EFCAB6: variants seen among roughly 807,000 people sequenced by gnomAD.
EFCAB6 encodes EF-hand calcium-binding domain-containing protein 6.
In EFCAB6, 156 loss-of-function variants were observed where a neutral mutation model predicts 169.8. The observed-to-expected ratio is 0.92, with a 90% CI of 0.81 to 1.05. The LOEUF is 1.05. Ranked by LOEUF, EFCAB6 falls within the 50% of genes least tolerant of loss-of-function variation. EFCAB6 has a pLI of 0.00. For missense variants in EFCAB6, 1,800 were observed against 1,829.1 expected, an observed-to-expected ratio of 0.98 and a Z score of 0.29; for synonymous variants, 698 against 676.4, an observed-to-expected ratio of 1.03 and a Z score of -0.50.
intron 28 of EFCAB6, 105 bp downstream of exon 28, chr22:43,540,022 A>C (rs1296321335): frequency 1.6e-6 from 2 of 1,278,052 alleles, no homozygotes; most frequent in Non-Finnish European, 2.2e-6. Flanking sequence ...CCGTCTTCTC[A>C]GCCACTCAAC....
chr22:43,711,411 T>C (rs903443748), intron 10 of EFCAB6, 64 bp downstream of exon 10: 1 of 1,440,406 alleles, frequency 6.9e-7, no homozygotes, highest in African/African-American at 1.5e-5. Context: ...TAAACGAAGC[T>C]GTGCCTTATT....
intron 10 of EFCAB6, among the ~76,000 whole-genome samples, chr22:43,697,638 CAA>C (rs2058623777): frequency 6.6e-6 from 1 of 152,058 alleles, no homozygotes; most frequent in South Asian, 2.1e-4. Context: ...CATCCTTAAC[CAA>C]AGTCACAAAG....
intron 10 of EFCAB6, among the ~76,000 whole-genome samples, chr22:43,704,501 G>A (rs2058882015): frequency 6.6e-6 from 1 of 152,148 alleles, no homozygotes; most frequent in Admixed American, 6.5e-5. Context: ...TGTGTAAAGT[G>A]ATTGTATCTT....
At chr22:43,653,805 C>T (rs1378294632) in intron 17 of EFCAB6, among the ~76,000 whole-genome samples, 1 of 152,050 alleles carries the variant, frequency 6.6e-6, no homozygotes, top group Admixed American at 6.6e-5. Context: ...GGAGGGCGCA[C>T]TTTCATGGGC....
chr22:43,659,095 CT>C (rs1326608680), intron 17 of EFCAB6, among the ~76,000 whole-genome samples: 1 of 152,232 alleles, frequency 6.6e-6, no homozygotes, highest in Non-Finnish European at 1.5e-5. Context: ...TGTGGTACCC[CT>C]AATCCAGCAC....
In EFCAB6 at chr22:43,615,914, T is replaced by C. The variant is rs1297642410; in HGVS notation, c.2474A>G (p.Gln825Arg). The C allele has an allele frequency of 1.9e-6, 3 of 1,612,728 alleles. No homozygotes were observed. The highest frequency in any genetic ancestry group is 1.1e-5 in the South Asian group (1 of 90,770). The change falls in exon 21 of 32, where the codon CAG becomes CGG. Residue 825 changes from glutamine to arginine, a missense_variant. By Grantham distance (43) the Gln-to-Arg change is conservative (BLOSUM62 1). Coordinates refer to ENST00000262726, the MANE Select transcript of EFCAB6 (RefSeq NM_022785.4). Reference sequence around the variant, plus strand: ...AGCTAGTTCTGAATCCGCAACCTTCTGTTTTGGTCTTAAAAGAAAAAAAAT... The same window carrying C: ...AGCTAGTTCTGAATCCGCAACCTTCCGTTTTGGTCTTAAAAGAAAAAAAAT... ...EAPQRLIRPK[Q>R]KVADSELACE...
Position 43,574,659 on chromosome 22 carries a change from C to A in EFCAB6, c.3420+1638G>T, listed in dbSNP as rs542522861. ...TTTTAAAATGACAAAAAAAAAAAAA[C>A]CATAATCATAAAAATAGCAAGGGTC... On this transcript the variant is annotated intron_variant, in intron 26 of 31. Coordinates refer to ENST00000262726, the MANE Select transcript of EFCAB6 (RefSeq NM_022785.4). Among the ~76,000 whole-genome samples the A allele has an allele frequency of 1.2e-4, 17 of 147,678 alleles. No individual in the cohort carries two copies. The South Asian group carries it at 3.0e-3, about 26-fold the overall frequency.
In EFCAB6 at chr22:43,795,272, G is replaced by C. The variant is rs1742732290; in HGVS notation, c.-7-12947C>G. Among the ~76,000 whole-genome samples, 1 of 152,190 alleles carries C rather than the reference G, an allele frequency of 6.6e-6. No individual in the cohort carries two copies. ...ACAAGTACAGTGGGGCATACACTAT[G>C]AATACAACGATATAAAAATATATTG... On this transcript the variant is annotated intron_variant, in intron 2 of 31. Transcript: ENST00000262726. The surrounding 1 kb of genome is among the most constrained non-coding windows in gnomAD (Gnocchi z 4.2).
chr22:43,794,993 A>G (rs1171846871), intron 2 of EFCAB6, among the ~76,000 whole-genome samples: 1 of 152,188 alleles, frequency 6.6e-6, no homozygotes, highest in Non-Finnish European at 1.5e-5. Flanking sequence ...ATGGCCACGC[A>G]TTTGGGACAC....
At chr22:43,790,718 A>G (rs1309280477) in intron 2 of EFCAB6, among the ~76,000 whole-genome samples, 1 of 152,220 alleles carries the variant, frequency 6.6e-6, no homozygotes, top group African/African-American at 2.4e-5. Flanking sequence ...TTAAAGGAAT[A>G]TCTCTGGCTG....
At chr22:43,778,808 GAGA>G (rs976066059) in intron 3 of EFCAB6, among the ~76,000 whole-genome samples, 2 of 152,146 alleles carry the variant, frequency 1.3e-5, no homozygotes, top group South Asian at 2.1e-4. Flanking sequence ...AGAAACCTGA[GAGA>G]AGAAGAGGCT....
chr22:43,704,406 T>TA (rs1247233092), intron 10 of EFCAB6, among the ~76,000 whole-genome samples: 2 of 152,134 alleles, frequency 1.3e-5, no homozygotes, highest in Admixed American at 1.3e-4. Flanking sequence ...TGCTAATTAT[T>TA]AACATAAAAG....
intron 25 of EFCAB6, among the ~76,000 whole-genome samples, chr22:43,576,832 G>T (rs2050288216): frequency 1.3e-5 from 2 of 152,210 alleles, no homozygotes; most frequent in African/African-American, 4.8e-5. Context: ...TTACAGAGCA[G>T]AGCAGAGAGT....
chr22:43,765,219 TATG>T, intron 5 of EFCAB6, 83 bp downstream of exon 5: 2 of 958,786 alleles, frequency 2.1e-6, no homozygotes, highest in Non-Finnish European at 3.3e-6. Flanking sequence ...TAGCTGTTGA[TATG>T]ATTAGTTCCA....
Position 43,702,433 on chromosome 22 carries a change from A to G in EFCAB6, c.1031+9042T>C, listed in dbSNP as rs546808039. Among the ~76,000 whole-genome samples the G allele has an allele frequency of 3.9e-5, 6 of 152,342 alleles. No homozygotes were observed. The South Asian group carries it at 6.2e-4, about 16-fold the overall frequency. ...ACCTGTGTGATTCACAGAACAAAAT[A>G]AAAACCACATAAAAAGGGTAGAAGA... On this transcript the variant is annotated intron_variant, in intron 10 of 31. Coordinates refer to ENST00000262726, the MANE Select transcript of EFCAB6 (RefSeq NM_022785.4).
At chr22:43,741,185 G>A (rs1473350801) in intron 6 of EFCAB6, among the ~76,000 whole-genome samples, 1 of 152,144 alleles carries the variant, frequency 6.6e-6, no homozygotes, top group Admixed American at 6.5e-5. Context: ...TAGTGACTGT[G>A]CACACCCCAC....
chr22:43,773,010 G>C lies in EFCAB6; in HGVS notation c.233C>G (p.Ala78Gly), dbSNP rs2061525938. Residue 78 changes from alanine to glycine, a missense_variant, in exon 4 of 32, where the codon GCC becomes GGC. Physicochemically the swap from Ala to Gly is moderately conservative, Grantham distance 60 (BLOSUM62 0). Coordinates refer to ENST00000262726, the MANE Select transcript of EFCAB6 (RefSeq NM_022785.4). ...ITDRGDELQK[A>G]FQLLDTGQNL... Reference sequence around the variant, plus strand: ...CTGACCAGTATCCAGCAGCTGAAAGGCTTTTTGCAACTCATCCCCTCTGTC... The same window carrying C: ...CTGACCAGTATCCAGCAGCTGAAAGCCTTTTTGCAACTCATCCCCTCTGTC... 6.2e-7 allele frequency: 1 copy of C among 1,614,050 alleles called. No homozygotes were observed. The highest frequency in any genetic ancestry group is 1.3e-5 in the African/African-American group (1 of 74,912).
At chr22:43,671,769 C>A (rs1279197194) in intron 15 of EFCAB6, among the ~76,000 whole-genome samples, 1 of 152,142 alleles carries the variant, frequency 6.6e-6, no homozygotes, top group African/African-American at 2.4e-5. Context: ...TGTTAGCTAC[C>A]TTACATGGCT....
At chr22:43,579,373 TCATTCCCTACAC>T (rs2050523825) in intron 25 of EFCAB6, among the ~76,000 whole-genome samples, 1 of 151,580 alleles carries the variant, frequency 6.6e-6, no homozygotes, top group African/African-American at 2.4e-5. Flanking sequence ...CACATAGGCA[TCATTCCCTACAC>T]GCAGGCATCA....
Sources: gnomAD v4.1 joint callset for allele counts (sites outside exome capture counted in the v4.1 genomes callset) on GRCh38, gnomAD v4.1.1 for gene constraint, Gnocchi (gnomAD v3.1) non-coding constraint, MANE v1.5 for transcripts, NCBI Gene and HGNC (gene_info 2026-07-23, HGNC 2026-07-21) for gene names.